MRPL13: variants seen among roughly 807,000 people sequenced by gnomAD.
The protein encoded by MRPL13 is large ribosomal subunit protein uL13m.
In MRPL13, 33 loss-of-function variants were observed where a neutral mutation model predicts 29.0. The ratio of observed to expected loss-of-function variants is 1.14; its 90% CI spans 0.86 to 1.52. The LOEUF (loss-of-function observed/expected upper bound fraction) is 1.52. MRPL13 is among the 40% of genes most tolerant of loss of function. The pLI, the probability that MRPL13 is intolerant of heterozygous loss-of-function variation, is 0.00. For missense variants in MRPL13, 227 were observed against 216.7 expected (o/e 1.05, Z -0.30); for synonymous variants, 77 against 68.4 (o/e 1.13, Z -0.62).
At chr8:120,424,947 G>A (rs1812915573) in intron 4 of MRPL13, among the ~76,000 whole-genome samples, 1 of 151,792 alleles carries the variant, frequency 6.6e-6, no homozygotes, top group Admixed American at 6.6e-5. Flanking sequence ...TAGAATATAA[G>A]AAGAACACAC....
chr8:120,428,131 A>G (rs1812953397), intron 3 of MRPL13, among the ~76,000 whole-genome samples: 1 of 148,048 alleles, frequency 6.8e-6, no homozygotes, highest in Admixed American at 6.7e-5. Context: ...ACTGATAAAA[A>G]AAAAAAAAAA....
At chr8:120,406,094 T>C (rs1304759180) in intron 6 of MRPL13, among the ~76,000 whole-genome samples, 1 of 152,198 alleles carries the variant, frequency 6.6e-6, no homozygotes, top group African/African-American at 2.4e-5. Flanking sequence ...TATTCTAAAA[T>C]AATCACAGGA....
At chr8:120,433,193 T>C (rs1813015989) in intron 2 of MRPL13, among the ~76,000 whole-genome samples, 1 of 152,108 alleles carries the variant, frequency 6.6e-6, no homozygotes, top group South Asian at 2.1e-4. Flanking sequence ...CAATGTTTAA[T>C]TAAATGGTTG....
chr8:120,435,318 G>C (rs1813041520), intron 2 of MRPL13, among the ~76,000 whole-genome samples: 1 of 151,992 alleles, frequency 6.6e-6, no homozygotes, highest in Non-Finnish European at 1.5e-5. Context: ...TGTCACCTAG[G>C]CAATAAGCAT....
intron 4 of MRPL13, among the ~76,000 whole-genome samples, chr8:120,423,838 T>C (rs1236023850): frequency 6.6e-6 from 1 of 151,976 alleles, no homozygotes; most frequent in South Asian, 2.1e-4. Context: ...AGTAACAGAA[T>C]AAAACAATAA....
intron 6 of MRPL13, among the ~76,000 whole-genome samples, chr8:120,406,867 A>G (rs1812674113): frequency 6.6e-6 from 1 of 152,212 alleles, no homozygotes; most frequent in South Asian, 2.1e-4. Flanking sequence ...TTTTGCAGAT[A>G]CTTGTCACTA....
chr8:120,443,107 G>A (rs1813142863), intron 2 of MRPL13, 78 bp downstream of exon 2: 2 of 1,294,598 alleles, frequency 1.5e-6, no homozygotes, highest in East Asian at 2.8e-5. Context: ...CTTAAACTCA[G>A]CCCTGTTAAA....
At chr8:120,413,269 A>G (rs1292544122) in intron 6 of MRPL13, among the ~76,000 whole-genome samples, 1 of 152,250 alleles carries the variant, frequency 6.6e-6, no homozygotes, top group Non-Finnish European at 1.5e-5. Context: ...AGTGCTAAAT[A>G]AGACAAACAT....
intron 3 of MRPL13, among the ~76,000 whole-genome samples, chr8:120,428,416 T>C (rs936016460): frequency 2.6e-5 from 4 of 152,114 alleles, no homozygotes; most frequent in African/African-American, 9.7e-5. Context: ...GGCAATATCA[T>C]TAAGAACACA....
chr8:120,438,509 G>A (rs2130485703), intron 2 of MRPL13, among the ~76,000 whole-genome samples: 1 of 152,360 alleles, frequency 6.6e-6, no homozygotes, highest in South Asian at 2.1e-4. Flanking sequence ...TAAGGAAGCA[G>A]AACTTTGAGT....
chr8:120,396,873 A>C (rs1586915216), intron 6 of MRPL13, among the ~76,000 whole-genome samples: 1 of 152,374 alleles, frequency 6.6e-6, no homozygotes, highest in East Asian at 1.9e-4. Flanking sequence ...ATTTTGGCAA[A>C]GATGACTGAT....
chr8:120,439,818 A>G (rs993086273), intron 2 of MRPL13, among the ~76,000 whole-genome samples: 28 of 152,224 alleles, frequency 1.8e-4, no homozygotes, highest in Admixed American at 7.2e-4. Context: ...AGTATAAGAA[A>G]TTACAGAAAA....
chr8:120,434,472 A>G (rs1813030832), intron 2 of MRPL13, among the ~76,000 whole-genome samples: 1 of 152,118 alleles, frequency 6.6e-6, no homozygotes, highest in South Asian at 2.1e-4. Context: ...TTATATGGCT[A>G]ATAAGTGGTA....
intron 6 of MRPL13, among the ~76,000 whole-genome samples, chr8:120,406,448 A>G (rs1812668502): frequency 2.0e-5 from 3 of 152,012 alleles, no homozygotes; most frequent in African/African-American, 7.3e-5. Context: ...TTTATTCAAC[A>G]AATTGACTGG....
At chr8:120,400,290 T>A (rs1260041574) in intron 6 of MRPL13, among the ~76,000 whole-genome samples, 1 of 152,130 alleles carries the variant, frequency 6.6e-6, no homozygotes, top group African/African-American at 2.4e-5. Flanking sequence ...CAGATCACAG[T>A]GCAATCAAAT....
chr8:120,437,758 GT>G (rs1446661257), intron 2 of MRPL13, among the ~76,000 whole-genome samples: 1 of 151,966 alleles, frequency 6.6e-6, no homozygotes, highest in Non-Finnish European at 1.5e-5. Flanking sequence ...GACAAATAAG[GT>G]AGTTCAAATA....
intron 6 of MRPL13, among the ~76,000 whole-genome samples, chr8:120,398,708 A>T (rs1323586750): frequency 2.6e-5 from 4 of 152,172 alleles, no homozygotes; most frequent in Admixed American, 2.6e-4. Context: ...AACTTCACTG[A>T]GCTAAAGGAG....
At chr8:120,413,117 GA>G (rs1362992269) in intron 6 of MRPL13, among the ~76,000 whole-genome samples, 1 of 151,946 alleles carries the variant, frequency 6.6e-6, no homozygotes, top group African/African-American at 2.4e-5. Context: ...TAAATGCTGT[GA>G]AAAAAATGAA....
chr8:120,445,098 C>T lies in MRPL13; in HGVS notation c.-4G>A. ...GCGCCCTAGAGAAACTCGACATATT[C>T]CTCTACTAGCAGGACCGTACGTCCT... On this transcript the variant is annotated 5_prime_UTR_variant, in exon 1 of 7. Coordinates refer to ENST00000306185, the MANE Select transcript of MRPL13 (RefSeq NM_014078.6). 3.1e-6 allele frequency: 5 copies of T among 1,614,010 alleles called. No individual in the cohort carries two copies. Among genetic ancestry groups the T allele is most frequent in the Non-Finnish European group, 4.2e-6 (5 of 1,179,952 alleles).
Sources: gnomAD v4.1 joint callset for allele counts (sites outside exome capture counted in the v4.1 genomes callset) on GRCh38, gnomAD v4.1.1 for gene constraint, MANE v1.5 for transcripts, NCBI Gene and HGNC (gene_info 2026-07-23, HGNC 2026-07-21) for gene names.